TCERG1L: variants seen among roughly 807,000 people sequenced by gnomAD.
TCERG1L encodes transcription elongation regulator 1-like protein.
TCERG1L carries 37 observed loss-of-function variants against 56.3 expected under a neutral mutation model. That is an observed-to-expected ratio of 0.66 (90% CI 0.51 to 0.87). The LOEUF (loss-of-function observed/expected upper bound fraction) is 0.87, where lower values mean the gene tolerates loss of function less well. TCERG1L is among the 40% of genes least tolerant of loss of function. TCERG1L has a pLI of 0.00. For synonymous variants in TCERG1L, 324 were observed against 326.3 expected (o/e 0.99, Z 0.08); for missense variants, 799 against 774.2 (o/e 1.03, Z -0.38).
intron 4 of TCERG1L, among the ~76,000 whole-genome samples, chr10:131,230,731 G>A (rs1453303038): frequency 6.6e-6 from 1 of 152,172 alleles, no homozygotes; most frequent in Non-Finnish European, 1.5e-5. Context: ...CATCTCCAGG[G>A]CCACGCATGG....
At chr10:131,274,434 G>A (rs938517053) in intron 3 of TCERG1L, among the ~76,000 whole-genome samples, 9 of 152,152 alleles carry the variant, frequency 5.9e-5, no homozygotes, top group Non-Finnish European at 1.2e-4. Context: ...CTTGGCTTTA[G>A]GACTCTTTCT....
At chr10:131,106,455 A>G (rs1416926896) in intron 9 of TCERG1L, among the ~76,000 whole-genome samples, 1 of 152,176 alleles carries the variant, frequency 6.6e-6, no homozygotes, top group African/African-American at 2.4e-5. Context: ...GTATTCCAGG[A>G]CCAGCTGGTG....
Position 131,311,136 on chromosome 10 carries a change from C to T in TCERG1L, c.342+158G>A, listed in dbSNP as rs1234347857. ...GGCGTCCAAGCACGAACTTTCTCGC[C>T]GAGGCACGGCTGCCGGGCTCCGTCC... On this transcript the variant is annotated intron_variant, in intron 1 of 11. Coordinates refer to ENST00000368642, the MANE Select transcript of TCERG1L (RefSeq NM_174937.4). The surrounding 1 kb of genome is among the most constrained non-coding windows in gnomAD (Gnocchi z 4.0). Among the ~76,000 whole-genome samples the T allele has an allele frequency of 1.3e-5, 2 of 152,128 alleles. No individual in the cohort carries two copies. Among genetic ancestry groups the T allele is most frequent in the African/African-American group, 4.8e-5 (2 of 41,448 alleles).
chr10:131,223,352 A>G (rs2133500599), intron 4 of TCERG1L, among the ~76,000 whole-genome samples: 1 of 152,218 alleles, frequency 6.6e-6, no homozygotes. Context: ...GCTGCCTGTT[A>G]CCTCCAAGTG....
rs1025981042 is a variant in TCERG1L, at chr10:131,309,314, A to G, written c.343-15T>C. The G allele has an allele frequency of 3.1e-6, 5 of 1,594,538 alleles. No individual in the cohort carries two copies. In the African/African-American group the frequency reaches 4.1e-5, roughly 13 times the overall value. On this transcript the variant is annotated splice_polypyrimidine_tract_variant and intron_variant, in intron 1 of 11. Transcript: ENST00000368642. ...CCAAACAGCCACTGCAAGCCAAGCAAGAAAAGACAGCTGCATTAGCCTGAA... is the reference window on the plus strand; with the variant it reads ...CCAAACAGCCACTGCAAGCCAAGCAGGAAAAGACAGCTGCATTAGCCTGAA...
At chr10:131,227,742 T>A (rs969644000) in intron 4 of TCERG1L, among the ~76,000 whole-genome samples, 2 of 120,450 alleles carry the variant, frequency 1.7e-5, no homozygotes, top group African/African-American at 6.8e-5. Flanking sequence ...AAGATACACG[T>A]CTTGATTACA....
chr10:131,240,464 A>G (rs959000359), intron 4 of TCERG1L, among the ~76,000 whole-genome samples: 1 of 152,156 alleles, frequency 6.6e-6, no homozygotes, highest in African/African-American at 2.4e-5. Flanking sequence ...CTCTTTTATA[A>G]TCTGACCATC....
At chr10:131,150,464 C>T (rs759513189) in intron 6 of TCERG1L, among the ~76,000 whole-genome samples, 5 of 152,242 alleles carry the variant, frequency 3.3e-5, no homozygotes, top group Non-Finnish European at 7.3e-5. Context: ...GACACAGGCT[C>T]AGACTGGCTG....
intron 4 of TCERG1L, among the ~76,000 whole-genome samples, chr10:131,219,387 C>T (rs961275649): frequency 1.3e-5 from 2 of 152,252 alleles, no homozygotes; most frequent in African/African-American, 2.4e-5. Context: ...CCCAGGACCG[C>T]CAGCGGCTTC....
intron 4 of TCERG1L, among the ~76,000 whole-genome samples, chr10:131,256,646 G>T (rs927074509): frequency 1.3e-5 from 2 of 152,212 alleles, no homozygotes; most frequent in South Asian, 4.2e-4. Context: ...AGCACTTGGG[G>T]AGGCGGAGGT....
chr10:131,184,711 C>T (rs1383333059), intron 4 of TCERG1L, among the ~76,000 whole-genome samples: 1 of 152,206 alleles, frequency 6.6e-6, no homozygotes, highest in Non-Finnish European at 1.5e-5. Context: ...GCTCCAGGCA[C>T]CGAGCAAGCC....
chr10:131,126,331 C>T (rs966872453), intron 8 of TCERG1L, among the ~76,000 whole-genome samples: 1 of 152,202 alleles, frequency 6.6e-6, no homozygotes, highest in Non-Finnish European at 1.5e-5. Flanking sequence ...GAGCTGTGGC[C>T]TCCTGGACCG....
chr10:131,299,533 A>G (rs547895525), intron 3 of TCERG1L, among the ~76,000 whole-genome samples: 114 of 152,216 alleles, frequency 7.5e-4, no homozygotes, highest in African/African-American at 2.6e-3. Context: ...AAGATAAAGT[A>G]TATCTTCATC....
chr10:131,271,612 C>T (rs189677656), intron 3 of TCERG1L, among the ~76,000 whole-genome samples: 204 of 152,348 alleles, frequency 1.3e-3, no homozygotes, highest in Admixed American at 3.0e-3. Context: ...GAATTATGCC[C>T]GCCGGTGGGA....
chr10:131,287,001 T>A (rs1384300480), intron 3 of TCERG1L, among the ~76,000 whole-genome samples: 1 of 152,246 alleles, frequency 6.6e-6, no homozygotes, highest in Non-Finnish European at 1.5e-5. Flanking sequence ...CCATAACTTT[T>A]ACATAATTAC....
chr10:131,230,547 G>A (rs897502521), intron 4 of TCERG1L, among the ~76,000 whole-genome samples: 4 of 152,226 alleles, frequency 2.6e-5, no homozygotes, highest in Non-Finnish European at 5.9e-5. Context: ...TCTTCCCACT[G>A]ACGAGCCTGG....
intron 4 of TCERG1L, among the ~76,000 whole-genome samples, chr10:131,235,998 G>T (rs192271397): frequency 1.3e-5 from 2 of 152,182 alleles, no homozygotes; most frequent in African/African-American, 4.8e-5. Flanking sequence ...AACAGTGCCC[G>T]CTACATGAGC....
intron 3 of TCERG1L, among the ~76,000 whole-genome samples, chr10:131,264,001 C>T (rs1422057191): frequency 1.3e-5 from 2 of 152,014 alleles, no homozygotes; most frequent in African/African-American, 2.4e-5. Flanking sequence ...TTCCAAACCC[C>T]AGGAACCACT....
At chr10:131,182,491 T>G (rs531106068) in intron 4 of TCERG1L, among the ~76,000 whole-genome samples, 34 of 152,364 alleles carry the variant, frequency 2.2e-4, no homozygotes, top group Middle Eastern at 3.4e-3. Context: ...ATCTGACCCA[T>G]CTGCATGATT....
Sources: gnomAD v4.1 joint callset for allele counts (sites outside exome capture counted in the v4.1 genomes callset) on GRCh38, gnomAD v4.1.1 for gene constraint, Gnocchi (gnomAD v3.1) non-coding constraint, MANE v1.5 for transcripts, NCBI Gene and HGNC (gene_info 2026-07-23, HGNC 2026-07-21) for gene names.